Variants in ALG8 observed in about 807,000 individuals in gnomAD.
ALG8 encodes ALG8 alpha-1,3-glucosyltransferase, also known as dolichyl pyrophosphate Glc1Man9GlcNAc2 alpha-1,3-glucosyltransferase.
Under a neutral mutation model 70.2 loss-of-function variants are expected in ALG8, and 48 were observed. The observed-to-expected ratio is 0.68, with a 90% CI of 0.54 to 0.87. The LOEUF (loss-of-function observed/expected upper bound fraction) is 0.87. ALG8 is among the 40% of genes least tolerant of loss of function. The pLI, the probability that ALG8 is intolerant of heterozygous loss-of-function variation, is 0.00. For synonymous variants in ALG8, 234 were observed against 229.0 expected (o/e 1.02, Z -0.20); for missense variants, 572 against 608.7 (o/e 0.94, Z 0.64).
At chr11:78,102,845 G>A (rs1338449149) in intron 12 of ALG8, 1 of 154,542 alleles carries the variant, frequency 6.5e-6, no homozygotes, top group African/African-American at 2.4e-5. Context: ...TAGCTGCTAG[G>A]GAGGCTGAGG....
intron 12 of ALG8, chr11:78,102,814 G>C (rs888506527): frequency 6.6e-6 from 1 of 152,298 alleles, no homozygotes; most frequent in Non-Finnish European, 1.5e-5. Context: ...AGCTGGGTGT[G>C]GTGGCGCATG....
At chr11:78,104,760 T>C (rs1371628379) in intron 10 of ALG8, among the ~76,000 whole-genome samples, 3 of 152,162 alleles carry the variant, frequency 2.0e-5, no homozygotes, top group Non-Finnish European at 2.9e-5. Flanking sequence ...GGTCAGGAAT[T>C]CAAGAGCAGC....
At chr11:78,121,217 T>G in intron 3 of ALG8, 43 bp from the exon 4 acceptor site, 1 of 1,380,796 alleles carries the variant, frequency 7.2e-7, no homozygotes, top group Non-Finnish European at 1.0e-6. Context: ...AACTTTGATC[T>G]TCATCGGAAC....
intron 1 of ALG8, among the ~76,000 whole-genome samples, chr11:78,128,797 G>A (rs1412309749): frequency 6.6e-6 from 1 of 151,412 alleles, no homozygotes; most frequent in African/African-American, 2.4e-5. Flanking sequence ...TTGTATTTTA[G>A]TAGAGATGGG....
chr11:78,137,211 G>C (rs555689402), intron 1 of ALG8: 2 of 152,370 alleles, frequency 1.3e-5, no homozygotes, highest in South Asian at 4.1e-4. Context: ...ACCTCTGCTA[G>C]CTTCCAAATT....
intron 12 of ALG8, 61 bp downstream of exon 12, chr11:78,103,919 G>T: frequency 2.2e-6 from 2 of 915,526 alleles, no homozygotes; most frequent in South Asian, 3.1e-5. Context: ...GAGCTTATTT[G>T]ACCACTTAGG....
At chr11:78,128,054 T>A (rs1268072511) in intron 1 of ALG8, among the ~76,000 whole-genome samples, 1 of 152,196 alleles carries the variant, frequency 6.6e-6, no homozygotes. Context: ...CAGAAGTGAC[T>A]TCCTCTTGCT....
chr11:78,137,065 C>T (rs2136953892), intron 1 of ALG8, among the ~76,000 whole-genome samples: 1 of 152,282 alleles, frequency 6.6e-6, no homozygotes, highest in Non-Finnish European at 1.5e-5. Context: ...CCACGCCCAG[C>T]TAATTTTGTA....
At position 78,112,610 on chromosome 11, in the gene ALG8, C is replaced by A. The variant is rs553114227; in HGVS notation, c.898+40G>T. Reference sequence around the variant, plus strand: ...ATTTCTCCATGTGCCTAAGTCCTTTCAATATTCAGAGTCTGAGTAAAAAAT... The same window carrying A: ...ATTTCTCCATGTGCCTAAGTCCTTTAAATATTCAGAGTCTGAGTAAAAAAT... On this transcript the variant is annotated intron_variant, in intron 8 of 12. Transcript: ENST00000299626. The A allele has an allele frequency of 1.1e-5, 17 of 1,610,562 alleles. No homozygotes were observed. The African/African-American group carries it at 1.2e-4, about 11-fold the overall frequency.
intron 2 of ALG8, among the ~76,000 whole-genome samples, chr11:78,125,973 T>C (rs1057145264): frequency 2.0e-5 from 3 of 150,456 alleles, no homozygotes; most frequent in South Asian, 2.1e-4. Flanking sequence ...TCCTGGCTAA[T>C]ATGGTGAAAC....
intron 9 of ALG8, among the ~76,000 whole-genome samples, chr11:78,108,127 A>C (rs569414295): frequency 1.3e-5 from 2 of 152,096 alleles, no homozygotes; most frequent in African/African-American, 4.8e-5. Context: ...AAATACAAAA[A>C]AAATTAGCCG....
chr11:78,124,796 A>C (rs1446882964), intron 2 of ALG8, among the ~76,000 whole-genome samples: 2 of 152,358 alleles, frequency 1.3e-5, no homozygotes, highest in East Asian at 3.9e-4. Context: ...TATAAACAAC[A>C]AAATAATACA....
chr11:78,110,334 G>A (rs1000835077), intron 8 of ALG8, among the ~76,000 whole-genome samples: 3 of 152,180 alleles, frequency 2.0e-5, no homozygotes, highest in Admixed American at 6.5e-5. Context: ...TGGGATTACA[G>A]GCATGTGCCA....
intron 9 of ALG8, among the ~76,000 whole-genome samples, chr11:78,108,429 C>CA (rs1345670580): frequency 5.3e-4 from 76 of 144,750 alleles, no homozygotes; most frequent in East Asian, 1.6e-3. Flanking sequence ...GACTCTGTCT[C>CA]AAAAAAAAAA....
At chr11:78,112,148 G>C (rs1860315512) in intron 8 of ALG8, among the ~76,000 whole-genome samples, 1 of 152,112 alleles carries the variant, frequency 6.6e-6, no homozygotes, top group Non-Finnish European at 1.5e-5. Context: ...GTGGTGGTAT[G>C]CACCTGTGGT....
intron 1 of ALG8, among the ~76,000 whole-genome samples, chr11:78,133,865 C>A (rs914832013): frequency 6.6e-6 from 1 of 151,706 alleles, no homozygotes; most frequent in African/African-American, 2.4e-5. Context: ...AGCGCCACTG[C>A]CCTCCAGCCT....
rs184499379 is a variant in ALG8 at position 78,135,031 on chromosome 11, G to A, written c.95+4463C>T. ...CTATCTATGGCAGATATAGCCTTAT[G>A]AAATGTATTTCTTAAATAACAAGAC... On this transcript the variant is annotated intron_variant, in intron 1 of 12. Transcript: ENST00000299626. 1.9e-3 allele frequency among the ~76,000 whole-genome samples: 297 copies of A among 152,308 alleles called. 1 individual carries two copies. The highest frequency in any genetic ancestry group is 7.7e-3 in the South Asian group (37 of 4,828).
chr11:78,120,312 G>C (rs865945743), intron 4 of ALG8, among the ~76,000 whole-genome samples: 34 of 152,268 alleles, frequency 2.2e-4, no homozygotes, highest in Middle Eastern at 6.8e-3. Flanking sequence ...GGATGAGAAA[G>C]GAATGGACCT....
intron 10 of ALG8, among the ~76,000 whole-genome samples, chr11:78,104,963 CAA>C (rs35118926): frequency 4.1e-4 from 43 of 104,076 alleles, no homozygotes; most frequent in Admixed American, 5.3e-4. Context: ...GACTCTGTCT[CAA>C]AAAAAAAAAA....
Sources: gnomAD v4.1 joint callset for allele counts (sites outside exome capture counted in the v4.1 genomes callset) on GRCh38, gnomAD v4.1.1 for gene constraint, MANE v1.5 for transcripts, NCBI Gene and HGNC (gene_info 2026-07-23, HGNC 2026-07-21) for gene names.